CSMD1: variants seen among roughly 807,000 people sequenced by gnomAD.
The protein encoded by CSMD1 is CUB and Sushi multiple domains 1.
A neutral mutation model predicts 417.5 loss-of-function variants in CSMD1; 213 were observed. That is an observed-to-expected ratio of 0.51 (90% CI 0.46 to 0.57). The LOEUF is 0.57. Ranked by LOEUF, CSMD1 falls within the 20% of genes least tolerant of loss-of-function variation. CSMD1 has a pLI of 0.00. For missense variants in CSMD1, 6,923 were observed against 4,529.7 expected (o/e 1.53, Z -15.17); for synonymous variants, 2,862 against 1,736.8 (o/e 1.65, Z -16.11).
At chr8:3,867,499 G>C (rs1398235539) in intron 5 of CSMD1, among the ~76,000 whole-genome samples, 13 of 152,126 alleles carry the variant, frequency 8.5e-5, no homozygotes, top group African/African-American at 3.1e-4. Context: ...GAGGGTGTCA[G>C]AATAAAACAG....
chr8:4,024,296 T>A (rs1157805644), intron 4 of CSMD1, among the ~76,000 whole-genome samples: 1 of 152,146 alleles, frequency 6.6e-6, no homozygotes, highest in Non-Finnish European at 1.5e-5. Flanking sequence ...AAGAATAATG[T>A]AAACAAATTA....
At chr8:3,999,236 GT>G (rs1815467991) in intron 4 of CSMD1, among the ~76,000 whole-genome samples, 1 of 151,688 alleles carries the variant, frequency 6.6e-6, no homozygotes, top group African/African-American at 2.4e-5. Context: ...ATACTGCAAT[GT>G]GGATGATATG....
At chr8:3,119,962 G>A (rs1817100710) in intron 41 of CSMD1, among the ~76,000 whole-genome samples, 1 of 152,154 alleles carries the variant, frequency 6.6e-6, no homozygotes, top group Non-Finnish European at 1.5e-5. Flanking sequence ...TTCTGCAGAG[G>A]GGCCTTTTCT....
intron 5 of CSMD1, among the ~76,000 whole-genome samples, chr8:3,825,298 G>A (rs954911782): frequency 9.2e-5 from 14 of 152,138 alleles, no homozygotes; most frequent in Admixed American, 1.3e-4. Context: ...GGGAGACCGC[G>A]ACAGGTGGAT....
At chr8:3,366,576 C>T (rs533899941) in intron 20 of CSMD1, among the ~76,000 whole-genome samples, 2 of 152,194 alleles carry the variant, frequency 1.3e-5, no homozygotes, top group Non-Finnish European at 2.9e-5. Flanking sequence ...TCATCCTCAA[C>T]TGTGTGTGTC....
At chr8:4,749,385 G>A (rs540858198) in intron 1 of CSMD1, among the ~76,000 whole-genome samples, 1 of 152,220 alleles carries the variant, frequency 6.6e-6, no homozygotes, top group Admixed American at 6.5e-5. Flanking sequence ...AGCGGTCCTT[G>A]ATAGTGTAAA....
At chr8:3,513,923 AG>A (rs1159642498) in intron 10 of CSMD1, among the ~76,000 whole-genome samples, 1 of 152,238 alleles carries the variant, frequency 6.6e-6, no homozygotes, top group African/African-American at 2.4e-5. Flanking sequence ...CCAGAACATA[AG>A]AAGGGGCCAT....
chr8:4,498,133 T>TAGTC (rs1258649831), intron 2 of CSMD1, among the ~76,000 whole-genome samples: 1 of 152,178 alleles, frequency 6.6e-6, no homozygotes, highest in Non-Finnish European at 1.5e-5. Context: ...TTGTGGGACT[T>TAGTC]AAAGTAACCT....
At chr8:4,989,844 T>C (rs1403691559) in intron 1 of CSMD1, among the ~76,000 whole-genome samples, 1 of 152,224 alleles carries the variant, frequency 6.6e-6, no homozygotes, top group Admixed American at 6.5e-5. Flanking sequence ...TTTATCTGTT[T>C]CTTAAAGGAA....
intron 48 of CSMD1, among the ~76,000 whole-genome samples, chr8:3,088,930 A>G (rs1367891301): frequency 1.3e-5 from 2 of 152,136 alleles, no homozygotes; most frequent in Admixed American, 6.5e-5. Context: ...TAAGTTAAAT[A>G]AAGTTTGCAG....
At position 3,010,767 on chromosome 8, in the gene CSMD1, G is replaced by A. The variant is rs1238683342; in HGVS notation, c.8029+7710C>T. ...CCAACTTTTTTTTTTTTTTTGAGAT[G>A]AAATTTTGCTCTGTCACTCAGGCTG... On this transcript the variant is annotated intron_variant, in intron 52 of 69. Coordinates refer to ENST00000635120, the MANE Select transcript of CSMD1 (RefSeq NM_033225.6). Among the ~76,000 whole-genome samples, 10 of 145,656 alleles carry A rather than the reference G, an allele frequency of 6.9e-5. No homozygotes were observed. The East Asian group carries it at 1.2e-3, about 17-fold the overall frequency.
intron 6 of CSMD1, among the ~76,000 whole-genome samples, chr8:3,738,151 G>A (rs558575210): frequency 2.0e-5 from 3 of 152,214 alleles, no homozygotes; most frequent in Non-Finnish European, 2.9e-5. Context: ...GTAGACATGT[G>A]TAATAAAAAT....
intron 1 of CSMD1, among the ~76,000 whole-genome samples, chr8:4,670,175 C>T (rs1277497547): frequency 3.9e-5 from 6 of 152,160 alleles, no homozygotes; most frequent in Non-Finnish European, 7.3e-5. Context: ...TTAATTTTTG[C>T]AAACTAAAGT....
chr8:2,958,880 G>A lies in CSMD1; in HGVS notation c.9703-1073C>T, dbSNP rs182493737. Among the ~76,000 whole-genome samples the A allele has an allele frequency of 4.6e-5, 7 of 152,254 alleles. No homozygotes were observed. The East Asian group carries it at 1.2e-3, about 25-fold the overall frequency. On this transcript the variant is annotated intron_variant, in intron 62 of 69. Coordinates refer to ENST00000635120, the MANE Select transcript of CSMD1 (RefSeq NM_033225.6). ...CCCATACCTCCCATGTTGGGATTCC[G>A]GGAAGAATAACTACAAGTAAAATGC... is the stretch of plus-strand genomic sequence containing the variant.
intron 2 of CSMD1, among the ~76,000 whole-genome samples, chr8:4,576,347 C>A (rs952928871): frequency 6.6e-6 from 1 of 152,260 alleles, no homozygotes; most frequent in Admixed American, 6.5e-5. Context: ...CCTGCTCACT[C>A]TTCAGGGGAG....
At chr8:2,949,179 G>C in intron 68 of CSMD1, 120 bp downstream of exon 68, 1 of 606,190 alleles carries the variant, frequency 1.6e-6, no homozygotes, top group Non-Finnish European at 2.9e-6. Flanking sequence ...AAATATGTTA[G>C]TCTCTCTCAT....
At chr8:3,820,525 T>C (rs1320766016) in intron 5 of CSMD1, among the ~76,000 whole-genome samples, 2 of 152,166 alleles carry the variant, frequency 1.3e-5, no homozygotes, top group African/African-American at 2.4e-5. Flanking sequence ...ACATCTCCTA[T>C]GGTAACAATG....
At chr8:4,809,306 TA>T (rs1362831114) in intron 1 of CSMD1, among the ~76,000 whole-genome samples, 24 of 152,352 alleles carry the variant, frequency 1.6e-4, no homozygotes, top group South Asian at 4.1e-4. Context: ...ATATTAATAA[TA>T]TTATACATCT....
intron 33 of CSMD1, among the ~76,000 whole-genome samples, chr8:3,196,138 G>T (rs1442557970): frequency 6.6e-6 from 1 of 152,124 alleles, no homozygotes; most frequent in Non-Finnish European, 1.5e-5. Flanking sequence ...CATTCCCACT[G>T]CTCATTATAT....
Sources: allele counts gnomAD v4.1 joint callset (sites outside exome capture counted in the v4.1 genomes callset), GRCh38; gene constraint gnomAD v4.1.1; transcripts MANE v1.5; gene names NCBI Gene and HGNC (gene_info 2026-07-23, HGNC 2026-07-21).